TBL1X: variants seen among roughly 807,000 people sequenced by gnomAD.
TBL1X encodes the protein F-box-like/WD repeat-containing protein TBL1X.
Under a neutral mutation model 50.7 loss-of-function variants are expected in TBL1X, and 10 were observed. The ratio of observed to expected loss-of-function variants is 0.20; its 90% CI spans 0.12 to 0.33. The LOEUF (loss-of-function observed/expected upper bound fraction) is 0.33, where lower values mean the gene tolerates loss of function less well. Ranked by LOEUF, TBL1X falls within the 10% of genes least tolerant of loss-of-function variation. The probability of loss-of-function intolerance (pLI) is 1.00; values close to 1 mark genes in which losing one functional copy is unlikely to be tolerated. For synonymous variants in TBL1X, 190 were observed against 214.7 expected (o/e 0.88, Z 1.01); for missense variants, 340 against 504.4 (o/e 0.67, Z 3.12).
chrX:9,483,758 A>G (rs757709664), intron 1 of TBL1X, among the ~76,000 whole-genome samples: 4 of 99,522 alleles, frequency 4.0e-5, no homozygotes, highest in Non-Finnish European at 6.0e-5. Flanking sequence ...TACTGAATCT[A>G]TGTGAATTTG....
chrX:9,713,233 A>G (rs2083258609), intron 16 of TBL1X, among the ~76,000 whole-genome samples: 1 of 110,970 alleles, frequency 9.0e-6, no homozygotes. Flanking sequence ...TCCGGGAAGC[A>G]CGCATCTCAG....
At chrX:9,594,374 G>C (rs2082517501) in intron 2 of TBL1X, among the ~76,000 whole-genome samples, 2 of 112,202 alleles carry the variant, frequency 1.8e-5, no homozygotes. Context: ...AGGTTAGTAT[G>C]TTTTAGTTCT....
At chrX:9,586,855 A>C (rs930099282) in intron 2 of TBL1X, among the ~76,000 whole-genome samples, 24 of 112,112 alleles carry the variant, frequency 2.1e-4, no homozygotes, top group African/African-American at 7.1e-4. Flanking sequence ...AGCTATGATC[A>C]CACAGTTGCA....
chrX:9,658,928 C>T (rs950155690), intron 5 of TBL1X, among the ~76,000 whole-genome samples: 4 of 111,759 alleles, frequency 3.6e-5, no homozygotes, highest in Non-Finnish European at 7.5e-5. Flanking sequence ...CCTCAGTCGC[C>T]CAAGCAGCTG....
chrX:9,623,287 T>C (rs1186476957), intron 2 of TBL1X, among the ~76,000 whole-genome samples: 1 of 112,345 alleles, frequency 8.9e-6, no homozygotes, highest in African/African-American at 3.2e-5. Context: ...CAGATTTCAC[T>C]TTACATAGTT....
At chrX:9,591,001 TGGG>T (rs2082497121) in intron 2 of TBL1X, among the ~76,000 whole-genome samples, 1 of 52,210 alleles carries the variant, frequency 1.9e-5, no homozygotes. Flanking sequence ...GGGGGATAGT[TGGG>T]GGGACGGGTA....
chrX:9,552,390 A>G (rs915530156), intron 2 of TBL1X, among the ~76,000 whole-genome samples: 9 of 111,413 alleles, frequency 8.1e-5, no homozygotes, highest in African/African-American at 2.3e-4. Flanking sequence ...AATTGCATCA[A>G]TGTCTGTGTG....
intron 2 of TBL1X, among the ~76,000 whole-genome samples, chrX:9,538,821 G>A (rs1016682282): frequency 8.9e-6 from 1 of 112,831 alleles, no homozygotes; most frequent in African/African-American, 3.2e-5. Flanking sequence ...AAAGGCAGCT[G>A]GGGAAAGGTT....
At chrX:9,703,329 C>T (rs2083186626) in intron 12 of TBL1X, among the ~76,000 whole-genome samples, 1 of 110,082 alleles carries the variant, frequency 9.1e-6, no homozygotes, top group East Asian at 2.9e-4. Context: ...AAGAGATCAC[C>T]AGAGAAGCCG....
intron 2 of TBL1X, among the ~76,000 whole-genome samples, chrX:9,514,093 A>G (rs1430503199): frequency 9.0e-6 from 1 of 110,910 alleles, no homozygotes; most frequent in African/African-American, 3.3e-5. Flanking sequence ...GAGATTTGGA[A>G]AGGGAAGACA....
At chrX:9,650,049 T>C (rs762420755) in intron 3 of TBL1X, among the ~76,000 whole-genome samples, 6 of 112,599 alleles carry the variant, frequency 5.3e-5, no homozygotes, top group Non-Finnish European at 3.8e-5. Context: ...TCTCAGCCTC[T>C]TAGAGTGCTG....
chrX:9,547,403 T>C (rs1339202874), intron 2 of TBL1X, among the ~76,000 whole-genome samples: 1 of 110,570 alleles, frequency 9.0e-6, no homozygotes, highest in African/African-American at 3.3e-5. Flanking sequence ...CACTGCAACC[T>C]CCACCTCCTG....
At chrX:9,703,812 G>A (rs981431630) in intron 12 of TBL1X, among the ~76,000 whole-genome samples, 5 of 112,050 alleles carry the variant, frequency 4.5e-5, no homozygotes. Flanking sequence ...ACCTGCAGCT[G>A]CACATCAGTA....
intron 2 of TBL1X, among the ~76,000 whole-genome samples, chrX:9,624,920 C>A (rs1028941826): frequency 1.6e-4 from 18 of 112,200 alleles, no homozygotes; most frequent in African/African-American, 5.8e-4. Flanking sequence ...TCTCATCTGA[C>A]CTTTTTCATT....
chrX:9,713,480 T>C (rs2083261033), intron 16 of TBL1X, among the ~76,000 whole-genome samples: 1 of 93,839 alleles, frequency 1.1e-5, no homozygotes, highest in African/African-American at 4.1e-5. Flanking sequence ...CAGGCTGGAG[T>C]ACAGTGATGC....
chrX:9,699,657 A>T (rs1026103892), intron 12 of TBL1X, among the ~76,000 whole-genome samples: 4 of 111,525 alleles, frequency 3.6e-5, no homozygotes, highest in African/African-American at 1.3e-4. Flanking sequence ...AGGAAACAAG[A>T]CCATGAACCG....
At position 9,497,806 on chromosome X, in the gene TBL1X, C is replaced by T. The variant is rs771792514; in HGVS notation, c.-200-3974C>T. On this transcript the variant is annotated intron_variant, in intron 1 of 17. Coordinates refer to ENST00000645353, the MANE Select transcript of TBL1X (RefSeq NM_005647.4). ...TCTCCCTCCCTCTCTCCGTCTCTTC[C>T]TCCCTCCCTCTCGTTTCTTTCTTTT... Among the ~76,000 whole-genome samples, 11 of 88,070 alleles carry T rather than the reference C, an allele frequency of 1.2e-4. No individual in the cohort carries two copies. The South Asian group carries it at 8.1e-3, about 65-fold the overall frequency. 76.5% of individuals were successfully genotyped at this position (88,070 alleles called of 115,157 possible).
intron 2 of TBL1X, among the ~76,000 whole-genome samples, chrX:9,624,720 A>G (rs769517932): frequency 1.8e-5 from 2 of 112,344 alleles, no homozygotes; most frequent in African/African-American, 3.2e-5. Context: ...GGAATAGTAG[A>G]AAAGAGAAAG....
intron 13 of TBL1X, among the ~76,000 whole-genome samples, chrX:9,707,375 C>A (rs1198561090): frequency 8.9e-6 from 1 of 112,322 alleles, no homozygotes; most frequent in African/African-American, 3.2e-5. Context: ...CCTGGACTAT[C>A]CACAAGTTTT....
Sources: allele counts gnomAD v4.1 joint callset (sites outside exome capture counted in the v4.1 genomes callset), GRCh38; gene constraint gnomAD v4.1.1; transcripts MANE v1.5; gene names NCBI Gene and HGNC (gene_info 2026-07-23, HGNC 2026-07-21).